The following ERC1 variants were observed in gnomAD, a reference collection of about 807,000 sequenced individuals.
ERC1 encodes ELKS/RAB6-interacting/CAST family member 1.
A neutral mutation model predicts 132.0 loss-of-function variants in ERC1; 56 were observed. That is an observed-to-expected ratio of 0.42 (90% CI 0.34 to 0.53). The LOEUF (loss-of-function observed/expected upper bound fraction) is 0.53. Among genes scored for constraint, ERC1 ranks in the 20% least tolerant of loss-of-function variants. The pLI is 0.03. For missense variants in ERC1, 1,202 were observed against 1,349.9 expected, an observed-to-expected ratio of 0.89 and a Z score of 1.72; for synonymous variants, 478 against 476.1, an observed-to-expected ratio of 1.00 and a Z score of -0.05.
chr12:1,000,832 T>G (rs369373607), intron 1 of ERC1, among the ~76,000 whole-genome samples: 1 of 152,192 alleles, frequency 6.6e-6, no homozygotes, highest in Admixed American at 6.5e-5. Context: ...TTAAACATAA[T>G]TTTACTGTAG....
Position 1,260,853 on chromosome 12 carries a change from C to A in ERC1, c.2488-2181C>A, listed in dbSNP as rs554454876. 5.6e-4 allele frequency among the ~76,000 whole-genome samples: 86 copies of A among 152,260 alleles called. 1 individual carries two copies. The highest frequency in any genetic ancestry group is 2.0e-3 in the African/African-American group (84 of 41,558). On this transcript the variant is annotated intron_variant, in intron 13 of 18. Coordinates refer to ENST00000360905, the MANE Select transcript of ERC1 (RefSeq NM_178040.4). ...ATATCACGTAAATATTACTTATCAG[C>A]CATTTCCTTTTATTTGTAGTTTCAC... is the stretch of plus-strand genomic sequence containing the variant.
chr12:1,478,411 A>T (rs1296350075), intron 18 of ERC1, among the ~76,000 whole-genome samples: 1 of 152,032 alleles, frequency 6.6e-6, no homozygotes, highest in Non-Finnish European at 1.5e-5. Context: ...GCTTTATAGG[A>T]GTTCTTTATA....
intron 14 of ERC1, among the ~76,000 whole-genome samples, chr12:1,274,510 T>C (rs1033477920): frequency 6.6e-6 from 1 of 151,896 alleles, no homozygotes; most frequent in African/African-American, 2.4e-5. Flanking sequence ...ATTTATTTAT[T>C]GAGACAGAGT....
chr12:1,336,643 A>C (rs1001131309), intron 15 of ERC1, among the ~76,000 whole-genome samples: 3 of 152,070 alleles, frequency 2.0e-5, no homozygotes, highest in African/African-American at 4.8e-5. Context: ...TTTTGCATTT[A>C]CTGAGGAGTA....
chr12:1,111,177 A>G (rs1466437414), intron 5 of ERC1, among the ~76,000 whole-genome samples: 1 of 152,120 alleles, frequency 6.6e-6, no homozygotes, highest in Non-Finnish European at 1.5e-5. Flanking sequence ...TGATACCACC[A>G]AGACCTATCA....
chr12:1,341,254 C>T (rs925767296), intron 15 of ERC1, among the ~76,000 whole-genome samples: 3 of 151,546 alleles, frequency 2.0e-5, no homozygotes, highest in Admixed American at 6.6e-5. Flanking sequence ...CCACCAAGCC[C>T]GGCTAATCTG....
At chr12:1,057,754 C>T (rs12319518) in intron 2 of ERC1, among the ~76,000 whole-genome samples, 13,535 of 151,876 alleles carry the variant, frequency 0.089, 1,065 homozygotes, top group African/African-American at 0.21. Flanking sequence ...TGCCACCACG[C>T]CCAGCTAATT....
At chr12:1,463,707 G>GTGTGTGTGTGTGTGTGTGTGTT (rs1176988799) in intron 18 of ERC1, among the ~76,000 whole-genome samples, 8 of 151,334 alleles carry the variant, frequency 5.3e-5, no homozygotes, top group African/African-American at 2.0e-4. Flanking sequence ...CTGTGTGTGT[G>GTGTGTGTGTGTGTGTGTGTGTT]TGTGTGTGTG....
chr12:1,205,166 G>A (rs555397120), intron 12 of ERC1, among the ~76,000 whole-genome samples: 15 of 152,208 alleles, frequency 9.9e-5, no homozygotes, highest in African/African-American at 3.1e-4. Context: ...AGACCATTAA[G>A]TAACTTGCCC....
rs770431604 is a variant in ERC1, at chr12:1,028,237, A to C, written c.334A>C (p.Asn112His). 1.2e-5 allele frequency: 19 copies of C among 1,614,012 alleles called. No individual in the cohort carries two copies. In the South Asian group the frequency reaches 2.1e-4, roughly 18 times the overall value. Reference protein sequence around the residue: ...VRMTAMGSSPNIASSGVASDT... With the variant: ...VRMTAMGSSPHIASSGVASDT... ...GATGACTGCTATGGGTAGTAGCCCC[A>C]ATATAGCTAGCAGTGGGGTTGCTAG... Residue 112 changes from asparagine to histidine, a missense_variant, in exon 2 of 19, where the codon AAT (asparagine) becomes CAT (histidine). Asn to His is a moderately conservative substitution (Grantham distance 68). Coordinates refer to ENST00000360905, the MANE Select transcript of ERC1 (RefSeq NM_178040.4).
At chr12:1,185,541 C>G (rs1954986388) in intron 11 of ERC1, among the ~76,000 whole-genome samples, 1 of 151,534 alleles carries the variant, frequency 6.6e-6, no homozygotes, top group Non-Finnish European at 1.5e-5. Context: ...TTCTTACTGT[C>G]TTTGGCATCC....
chr12:1,430,688 A>AT (rs1397050318), intron 17 of ERC1: 1 of 152,150 alleles, frequency 6.6e-6, no homozygotes, highest in African/African-American at 2.4e-5. Flanking sequence ...CCTCAGGTTT[A>AT]TTTTTTCAAT....
intron 2 of ERC1, among the ~76,000 whole-genome samples, chr12:1,036,897 G>C (rs1969197510): frequency 6.6e-6 from 1 of 152,214 alleles, no homozygotes; most frequent in Admixed American, 6.5e-5. Flanking sequence ...ACTATGCAGA[G>C]TGCCATGAGA....
At chr12:1,120,300 G>A (rs1946935436) in intron 7 of ERC1, among the ~76,000 whole-genome samples, 1 of 152,162 alleles carries the variant, frequency 6.6e-6, no homozygotes, top group Admixed American at 6.5e-5. Flanking sequence ...GCCATGGAGG[G>A]AAATTTAAAT....
chr12:1,291,273 G>A (rs1363667715), intron 15 of ERC1, among the ~76,000 whole-genome samples: 1 of 152,174 alleles, frequency 6.6e-6, no homozygotes, highest in Non-Finnish European at 1.5e-5. Context: ...TAATGTGTAA[G>A]TGAAGCCGGA....
At chr12:1,222,859 A>C (rs1194440556) in intron 12 of ERC1, among the ~76,000 whole-genome samples, 1 of 152,222 alleles carries the variant, frequency 6.6e-6, no homozygotes, top group Admixed American at 6.5e-5. Flanking sequence ...GGAAGGAGTA[A>C]GTTAAAGACA....
intron 16 of ERC1, among the ~76,000 whole-genome samples, chr12:1,406,001 T>C (rs569940461): frequency 2.0e-5 from 3 of 152,342 alleles, no homozygotes; most frequent in Non-Finnish European, 4.4e-5. Context: ...TAAAACAGTA[T>C]TTTAGAATAC....
intron 15 of ERC1, among the ~76,000 whole-genome samples, chr12:1,295,674 A>C (rs1319063817): frequency 6.6e-6 from 1 of 152,166 alleles, no homozygotes; most frequent in Non-Finnish European, 1.5e-5. Flanking sequence ...TAGTAAAAGA[A>C]GGCCCCAATT....
intron 16 of ERC1, among the ~76,000 whole-genome samples, chr12:1,372,279 C>CT (rs567234245): frequency 2.8e-4 from 42 of 148,232 alleles, no homozygotes; most frequent in African/African-American, 6.4e-4. Flanking sequence ...CATGAAAAGG[C>CT]TTTTTTTTTT....
Sources: allele counts gnomAD v4.1 joint callset (sites outside exome capture counted in the v4.1 genomes callset), GRCh38; gene constraint gnomAD v4.1.1; transcripts MANE v1.5; gene names NCBI Gene and HGNC (gene_info 2026-07-23, HGNC 2026-07-21).